Variants in HECTD4 observed in about 807,000 individuals in gnomAD.
The protein encoded by HECTD4 is HECT domain E3 ubiquitin protein ligase 4.
In HECTD4, 114 loss-of-function variants were observed where a neutral mutation model predicts 471.5. That is an observed-to-expected ratio of 0.24 (90% CI 0.21 to 0.28). The LOEUF is 0.28. Among genes scored for constraint, HECTD4 ranks in the 10% least tolerant of loss-of-function variants. The pLI is 1.00. For missense variants in HECTD4, 3,866 were observed against 5,651.5 expected, an observed-to-expected ratio of 0.68 and a Z score of 10.13; for synonymous variants, 2,012 against 2,256.0, an observed-to-expected ratio of 0.89 and a Z score of 3.07.
intron 45 of HECTD4, among the ~76,000 whole-genome samples, chr12:112,218,091 G>A (rs528924008): frequency 1.6e-4 from 24 of 151,444 alleles, no homozygotes; most frequent in Non-Finnish European, 3.1e-4. Flanking sequence ...CCGGGAGGTG[G>A]AGGTTGCAGT....
intron 8 of HECTD4, among the ~76,000 whole-genome samples, chr12:112,280,408 A>G (rs141767243): frequency 1.3e-5 from 2 of 152,344 alleles, no homozygotes; most frequent in East Asian, 3.9e-4. Flanking sequence ...ACAGAGAATC[A>G]ACTGGAGTGC....
rs918922629 is a variant in HECTD4, at chr12:112,360,752, G to A, written c.177+21200C>T. ...TAATTCCAGCACTTTGGGAGGCTGA[G>A]GCAGGTGGATCACCTGAGGTCAGGA... On this transcript the variant is annotated intron_variant, in intron 1 of 75. Transcript: ENST00000682272. 8.5e-5 allele frequency among the ~76,000 whole-genome samples: 13 copies of A among 152,328 alleles called. No homozygotes were observed. In the South Asian group the frequency reaches 2.7e-3, roughly 32 times the overall value.
At chr12:112,292,157 C>T (rs369024170) in intron 7 of HECTD4, among the ~76,000 whole-genome samples, 1 of 152,128 alleles carries the variant, frequency 6.6e-6, no homozygotes, top group African/African-American at 2.4e-5. Context: ...TCTCCCATTA[C>T]TCACTCTCAT....
intron 1 of HECTD4, among the ~76,000 whole-genome samples, chr12:112,380,873 T>C (rs1383351521): frequency 6.6e-6 from 1 of 152,198 alleles, no homozygotes; most frequent in Non-Finnish European, 1.5e-5. Flanking sequence ...TAAATGTTCG[T>C]TGTGCGTAAA....
intron 66 of HECTD4, 26 bp from the exon 67 acceptor site, chr12:112,172,887 G>C (rs375371365): frequency 5.6e-6 from 9 of 1,597,596 alleles, no homozygotes; most frequent in Non-Finnish European, 7.7e-6. Context: ...GGGGGAGAGG[G>C]GCAAAGTGAG....
chr12:112,244,093 A>C, intron 29 of HECTD4, 84 bp from the exon 30 acceptor site: 1 of 1,394,266 alleles, frequency 7.2e-7, no homozygotes, highest in Admixed American at 2.1e-5. Flanking sequence ...CAACAGTCTA[A>C]GTGTATCTTT....
intron 71 of HECTD4, 132 bp from the exon 72 acceptor site, chr12:112,167,670 C>A: frequency 2.0e-6 from 2 of 1,020,074 alleles, no homozygotes; most frequent in African/African-American, 1.6e-5. Context: ...GCTTGCCCAT[C>A]CAGTGAGGCA....
At position 112,217,059 on chromosome 12, in the gene HECTD4, T is replaced by C. The variant is rs747046233; in HGVS notation, c.7211A>G (p.Tyr2404Cys). 1 of 1,581,168 alleles carries C rather than the reference T, an allele frequency of 6.3e-7. No homozygotes were observed. The highest frequency in any genetic ancestry group is 8.6e-7 in the Non-Finnish European group (1 of 1,162,168). Residue 2404 changes from tyrosine (Y) to cysteine (C), a missense_variant, in exon 46 of 76, where the codon TAT becomes TGT. Tyr to Cys is a radical substitution (Grantham distance 194, BLOSUM62 -2). Around this residue, in one of 16 missense-constraint regions of HECTD4, gnomAD observed 617 missense variants for 915.1 expected, o/e 0.67. Coordinates refer to ENST00000682272, the MANE Select transcript of HECTD4 (RefSeq NM_001388303.1). The part of the protein sequence containing the change: ...GGGLPRGTFI[Y>C]ATSPLPVQAP... ...CTGAACTGGCAGTGGTGAAGTGGCA[T>C]AGATAAAAGTGCCCCGGGGCAGGCC... is the stretch of plus-strand genomic sequence containing the variant.
chr12:112,300,280 C>T (rs1309065466), intron 7 of HECTD4, among the ~76,000 whole-genome samples: 2 of 149,282 alleles, frequency 1.3e-5, no homozygotes, highest in Non-Finnish European at 3.0e-5. Flanking sequence ...TCCACTCCAG[C>T]CTGAGTGACA....
At chr12:112,189,537 C>T (rs1260261028) in intron 60 of HECTD4, among the ~76,000 whole-genome samples, 2 of 111,814 alleles carry the variant, frequency 1.8e-5, no homozygotes, top group Non-Finnish European at 3.3e-5. Context: ...GGCGACAGAG[C>T]GAGACTCCGT....
intron 1 of HECTD4, among the ~76,000 whole-genome samples, chr12:112,374,003 C>CAA (rs1007853408): frequency 2.1e-4 from 13 of 60,834 alleles, no homozygotes; most frequent in Admixed American, 3.8e-4. Flanking sequence ...GACTCTGTCT[C>CAA]AAAAAAAAAA....
chr12:112,228,924 T>C lies in HECTD4; in HGVS notation c.6520-113A>G. 6 of 997,444 alleles carry C rather than the reference T, an allele frequency of 6.0e-6. No homozygotes were observed. The highest frequency in any genetic ancestry group is 2.2e-5 in the Admixed American group (1 of 45,376). The allele number at this position is 997,444 out of a possible 1,614,324, so 61.8% of individuals were successfully genotyped here. A position where few individuals can be genotyped will look rare whatever the true frequency, so the allele number is the denominator to read the frequency against. ...GTTGTCATTGTTGGCGTTACAGTAA[T>C]AGTTTATACTACTAGGGTAGCAGAT... On this transcript the variant is annotated intron_variant, in intron 41 of 75. Transcript: ENST00000682272. This position sits in a 1 kb window ranked among gnomAD's most constrained non-coding sequence, Gnocchi z 4.9.
At chr12:112,208,352 T>C in intron 51 of HECTD4, 142 bp downstream of exon 51, 3 of 852,934 alleles carry the variant, frequency 3.5e-6, no homozygotes, top group Non-Finnish European at 5.1e-6. Context: ...CTAAGGTCAC[T>C]GTTCAAGCAC....
intron 4 of HECTD4, among the ~76,000 whole-genome samples, chr12:112,310,330 T>C (rs2035347855): frequency 6.6e-6 from 1 of 152,198 alleles, no homozygotes; most frequent in Non-Finnish European, 1.5e-5. Context: ...CTAATTTTAG[T>C]CTCTGGAGGG....
chr12:112,316,746 A>G (rs2035488159), intron 2 of HECTD4, among the ~76,000 whole-genome samples: 1 of 152,212 alleles, frequency 6.6e-6, no homozygotes, highest in African/African-American at 2.4e-5. Context: ...CAACCCAAAA[A>G]TTCAATAATA....
At chr12:112,304,947 T>A (rs1159267654) in intron 7 of HECTD4, among the ~76,000 whole-genome samples, 2 of 152,208 alleles carry the variant, frequency 1.3e-5, no homozygotes, top group African/African-American at 4.8e-5. Context: ...TTTTTGTTTT[T>A]TTACAGGAAT....
chr12:112,219,258 A>T, intron 45 of HECTD4, 128 bp downstream of exon 45: 1 of 540,928 alleles, frequency 1.8e-6, no homozygotes, highest in Non-Finnish European at 3.2e-6. Flanking sequence ...AGGGCATGTC[A>T]CTGCAAAAGA....
intron 1 of HECTD4, among the ~76,000 whole-genome samples, chr12:112,373,478 C>T (rs981831002): frequency 1.3e-5 from 2 of 151,742 alleles, no homozygotes; most frequent in Admixed American, 6.6e-5. Context: ...GCCGAGATCA[C>T]GCCACTGCAC....
intron 13 of HECTD4, among the ~76,000 whole-genome samples, chr12:112,268,752 G>A (rs556482405): frequency 2.1e-5 from 3 of 141,154 alleles, no homozygotes; most frequent in East Asian, 2.3e-4. Flanking sequence ...GTGAAACTCC[G>A]TCTCAAACAA....
Sources: allele counts gnomAD v4.1 joint callset (sites outside exome capture counted in the v4.1 genomes callset), GRCh38; gene constraint gnomAD v4.1.1; regional missense constraint gnomAD v4.1.1; non-coding constraint Gnocchi (gnomAD v3.1); transcripts MANE v1.5; gene names NCBI Gene and HGNC (gene_info 2026-07-23, HGNC 2026-07-21).